The following ELAVL1 variants were observed in gnomAD, a reference collection of about 807,000 sequenced individuals.
The protein encoded by ELAVL1 is ELAV-like protein 1.
ELAVL1 carries 1 observed loss-of-function variant against 28.4 expected under a neutral mutation model. The observed-to-expected ratio is 0.04, with a 90% confidence interval of 0.01 to 0.17. ELAVL1 has a LOEUF of 0.17. Ranked by LOEUF, ELAVL1 falls within the 10% of genes least tolerant of loss-of-function variation. The pLI, the probability that ELAVL1 is intolerant of heterozygous loss-of-function variation, is 1.00. For missense variants in ELAVL1, 157 were observed against 447.2 expected, an observed-to-expected ratio of 0.35 and a Z score of 5.85; for synonymous variants, 174 against 183.5, an observed-to-expected ratio of 0.95 and a Z score of 0.42.
intron 1 of ELAVL1, among the ~76,000 whole-genome samples, chr19:8,000,672 C>T (rs2081064751): frequency 6.6e-6 from 1 of 152,270 alleles, no homozygotes; most frequent in African/African-American, 2.4e-5. Context: ...CAAAGCACCA[C>T]CTGACCCAGT....
At chr19:8,003,181 A>G (rs929539254) in intron 1 of ELAVL1, among the ~76,000 whole-genome samples, 2 of 150,326 alleles carry the variant, frequency 1.3e-5, no homozygotes, top group Non-Finnish European at 3.0e-5. Flanking sequence ...TGAGGTCAGG[A>G]GTTCGAGACC....
Position 7,981,196 on chromosome 19 carries a change from A to T in ELAVL1, c.173-10T>A, listed in dbSNP as rs746624868. 1.2e-6 allele frequency: 2 copies of T among 1,614,090 alleles called. No individual in the cohort carries two copies. Among genetic ancestry groups the T allele is most frequent in the East Asian group, 4.5e-5 (2 of 44,886 alleles). ...TAGCCCAAGCTGTGTCCTGTGCAAG[A>T]GAACATGAAGACATTGGTAAGCCAA... On this transcript the variant is annotated splice_polypyrimidine_tract_variant and intron_variant, in intron 2 of 5. Transcript: ENST00000407627. The surrounding 1 kb of genome is among the most constrained non-coding windows in gnomAD (Gnocchi z 4.2).
chr19:7,970,738 TAA>T (rs138226909), intron 4 of ELAVL1, among the ~76,000 whole-genome samples: 2 of 151,616 alleles, frequency 1.3e-5, no homozygotes, highest in South Asian at 4.2e-4. Context: ...TCTCTTTTTT[TAA>T]AAAAAGAGTT....
At chr19:7,972,151 G>C (rs564283936) in intron 4 of ELAVL1, among the ~76,000 whole-genome samples, 1 of 152,252 alleles carries the variant, frequency 6.6e-6, no homozygotes, top group Non-Finnish European at 1.5e-5. Context: ...GGCTCAGGGA[G>C]TGGATTCTTC....
intron 1 of ELAVL1, among the ~76,000 whole-genome samples, chr19:7,998,667 A>G (rs1255005219): frequency 1.3e-5 from 2 of 152,026 alleles, no homozygotes; most frequent in Non-Finnish European, 2.9e-5. Flanking sequence ...TTTTTTAAAG[A>G]GATGGGGGTC....
In ELAVL1 at chr19:7,976,286, C is replaced by T. The variant is rs556962260; in HGVS notation, c.277-2408G>A. On this transcript the variant is annotated intron_variant, in intron 3 of 5. Transcript: ENST00000407627. ...GCATGGTGGCAGGCGCCTGTAGTCC[C>T]AGCTACTCGGGAGGCTGAGGCAGGA... Among the ~76,000 whole-genome samples, 4 of 151,328 alleles carry T rather than the reference C, an allele frequency of 2.6e-5. No individual in the cohort carries two copies. The South Asian group carries it at 6.3e-4, about 24-fold the overall frequency.
rs1478476720 is a variant in ELAVL1 at position 7,979,561 on chromosome 19, CTAGATGGGGAGT to C, written c.276+1510_276+1521del. Among the ~76,000 whole-genome samples the C allele has an allele frequency of 3.9e-5, 6 of 152,228 alleles. No homozygotes were observed. Among genetic ancestry groups the C allele is most frequent in the Admixed American group, 3.9e-4 (6 of 15,288 alleles). ...ATTTTCTAAATAGGGGAGAGAATTC[CTAGATGGGGAGT>C]CCAGGGCCAAGGATAAGCCACCTGG... On this transcript the variant is annotated intron_variant, in intron 3 of 5. Transcript: ENST00000407627. The surrounding 1 kb of genome is among the most constrained non-coding windows in gnomAD (Gnocchi z 5.4).
intron 2 of ELAVL1, among the ~76,000 whole-genome samples, chr19:7,991,367 C>G (rs1985748819): frequency 6.6e-6 from 1 of 152,230 alleles, no homozygotes; most frequent in African/African-American, 2.4e-5. Context: ...TTCCAGCTCT[C>G]AGAATGCCCT....
intron 2 of ELAVL1, among the ~76,000 whole-genome samples, chr19:7,985,979 C>G (rs1037886806): frequency 1.3e-5 from 2 of 152,250 alleles, no homozygotes; most frequent in African/African-American, 4.8e-5. Context: ...CTGCGGGGAG[C>G]ACCATGGTTG....
chr19:8,001,386 C>T (rs1463051942), intron 1 of ELAVL1, among the ~76,000 whole-genome samples: 3 of 152,168 alleles, frequency 2.0e-5, no homozygotes, highest in Non-Finnish European at 4.4e-5. Flanking sequence ...GATCTCTCAC[C>T]GTCCTGCCAC....
chr19:8,003,238 A>G (rs1428052906), intron 1 of ELAVL1, among the ~76,000 whole-genome samples: 1 of 151,180 alleles, frequency 6.6e-6, no homozygotes, highest in Non-Finnish European at 1.5e-5. Context: ...AAATGCAAAA[A>G]ATTAGCTGGA....
At chr19:7,980,781 C>G (rs1985439273) in intron 3 of ELAVL1, among the ~76,000 whole-genome samples, 1 of 152,164 alleles carries the variant, frequency 6.6e-6, no homozygotes, top group Admixed American at 6.5e-5. Context: ...GCAGAGGGAG[C>G]ACTGGGCAGG....
chr19:7,987,624 T>C (rs753581490), intron 2 of ELAVL1, among the ~76,000 whole-genome samples: 8 of 152,220 alleles, frequency 5.3e-5, no homozygotes, highest in Non-Finnish European at 1.0e-4. Context: ...GCCCAGCCCA[T>C]GGCTGGCACT....
intron 2 of ELAVL1, among the ~76,000 whole-genome samples, chr19:7,989,081 G>A (rs940633579): frequency 6.6e-6 from 1 of 152,250 alleles, no homozygotes; most frequent in African/African-American, 2.4e-5. Context: ...AGCTAGGCCA[G>A]GGATCAGATT....
At chr19:7,985,208 C>A (rs12980734) in intron 2 of ELAVL1, among the ~76,000 whole-genome samples, 1 of 152,228 alleles carries the variant, frequency 6.6e-6, no homozygotes, top group Non-Finnish European at 1.5e-5. Flanking sequence ...GCGTGCGCCA[C>A]CGCGCCCAGC....
Position 7,979,054 on chromosome 19 carries a change from G to T in ELAVL1, c.276+2029C>A, listed in dbSNP as rs1019254247. 6.6e-6 allele frequency among the ~76,000 whole-genome samples: 1 copy of T among 152,224 alleles called. No homozygotes were observed. The highest frequency in any genetic ancestry group is 2.4e-5 in the African/African-American group (1 of 41,456). On this transcript the variant is annotated intron_variant, in intron 3 of 5. Coordinates refer to ENST00000407627, the MANE Select transcript of ELAVL1 (RefSeq NM_001419.3). This position sits in a 1 kb window ranked among gnomAD's most constrained non-coding sequence, Gnocchi z 5.4. Reference sequence around the variant, plus strand: ...GCCAGGGGCTCAGTAAAGGTTTGCGGAATGAACACACTTGGAGCACAGAGG... The same window carrying T: ...GCCAGGGGCTCAGTAAAGGTTTGCGTAATGAACACACTTGGAGCACAGAGG...
chr19:8,003,461 G>A (rs568097525), intron 1 of ELAVL1, among the ~76,000 whole-genome samples: 1 of 151,504 alleles, frequency 6.6e-6, no homozygotes, highest in Non-Finnish European at 1.5e-5. Flanking sequence ...GGGAGGCCGA[G>A]GCGGGCGGAT....
chr19:7,972,356 G>A (rs955722286), intron 4 of ELAVL1, among the ~76,000 whole-genome samples: 6 of 152,254 alleles, frequency 3.9e-5, no homozygotes, highest in Non-Finnish European at 8.8e-5. Context: ...CACAGCCGTG[G>A]GCGTGCACAT....
intron 4 of ELAVL1, among the ~76,000 whole-genome samples, chr19:7,968,639 C>T (rs1477225565): frequency 2.0e-5 from 3 of 152,246 alleles, no homozygotes; most frequent in Non-Finnish European, 4.4e-5. Context: ...GGGCCAGTCC[C>T]GGGTTCCCGG....
Sources: gnomAD v4.1 joint callset for allele counts (sites outside exome capture counted in the v4.1 genomes callset) on GRCh38, gnomAD v4.1.1 for gene constraint, Gnocchi (gnomAD v3.1) non-coding constraint, MANE v1.5 for transcripts, NCBI Gene and HGNC (gene_info 2026-07-23, HGNC 2026-07-21) for gene names.